Variants in PAXIP1 observed in about 807,000 individuals in gnomAD.
The protein encoded by PAXIP1 is PAX interacting protein 1, also known as PAX-interacting protein 1.
Under a neutral mutation model 140.6 loss-of-function variants are expected in PAXIP1, and 19 were observed. That is an observed-to-expected ratio of 0.14 (90% CI 0.09 to 0.20). PAXIP1 has a LOEUF of 0.20. Ranked by LOEUF, PAXIP1 falls within the 10% of genes least tolerant of loss-of-function variation. The pLI, the probability that PAXIP1 is intolerant of heterozygous loss-of-function variation, is 1.00. For synonymous variants in PAXIP1, 442 were observed against 444.6 expected, an observed-to-expected ratio of 0.99 and a Z score of 0.07; for missense variants, 920 against 1,208.6, an observed-to-expected ratio of 0.76 and a Z score of 3.54.
At position 155,003,024 on chromosome 7, in the gene PAXIP1, C is replaced by A. The variant is rs1458658496; in HGVS notation, c.-95G>T. ...GCGCCCGGCGCCCCCACTCGCCCCG[C>A]CAACGGCCCTGCCCGCGCAGCCCGG... On this transcript the variant is annotated 5_prime_UTR_variant, in exon 1 of 21. Coordinates refer to ENST00000404141, the MANE Select transcript of PAXIP1 (RefSeq NM_007349.4). 5.3e-6 allele frequency: 2 copies of A among 374,892 alleles called. No homozygotes were observed. The highest frequency in any genetic ancestry group is 4.5e-5 in the African/African-American group (2 of 44,716). The allele number at this position is 374,892 out of a possible 1,614,324, so 23.2% of individuals were successfully genotyped here.
At position 154,975,809 on chromosome 7, in the gene PAXIP1, T is replaced by G; in HGVS notation, c.961A>C (p.Ser321Arg). The G allele has an allele frequency of 6.2e-7, 1 of 1,613,934 alleles. No homozygotes were observed. Among genetic ancestry groups the G allele is most frequent in the South Asian group, 1.1e-5 (1 of 91,078 alleles). Residue 321 changes from serine to arginine, a missense_variant, in exon 6 of 21, where the codon AGT becomes CGT. Transcript: ENST00000404141. ...NLMAAGQNLQ[S>R]SERSEMIATW... ...GCTATCATTTCTGATCTTTCAGAAC[T>G]TTGGAGGTTTTGTCCAGCAGCCATT...
In PAXIP1 at chr7:154,948,012, C is replaced by G; in HGVS notation, c.2822-9G>C. On this transcript the variant is annotated splice_polypyrimidine_tract_variant and intron_variant, in intron 16 of 20. Coordinates refer to ENST00000404141, the MANE Select transcript of PAXIP1 (RefSeq NM_007349.4). ...AATGTAGTTCTGCTCATCTGGAAAA[C>G]AGAACAGCACATACTCTGAAAAGTG... 6.4e-7 allele frequency: 1 copy of G among 1,573,384 alleles called. No individual in the cohort carries two copies. The highest frequency in any genetic ancestry group is 8.7e-7 in the Non-Finnish European group (1 of 1,142,998).
At chr7:154,985,713 C>T (rs1810038670) in intron 4 of PAXIP1, among the ~76,000 whole-genome samples, 1 of 152,196 alleles carries the variant, frequency 6.6e-6, no homozygotes, top group Non-Finnish European at 1.5e-5. Context: ...GAACACTCTC[C>T]CTTTTCCTTC....
At position 154,969,154 on chromosome 7, in the gene PAXIP1, T is replaced by A. The variant is rs979001249; in HGVS notation, c.1075-28A>T. 7.6e-6 allele frequency: 11 copies of A among 1,445,256 alleles called. No homozygotes were observed. The African/African-American group carries it at 1.6e-4, about 21-fold the overall frequency. The allele number at this position is 1,445,256 out of a possible 1,614,324, so 89.5% of individuals were successfully genotyped here. ...ACAAAACAAAAGTTAGGTGAAACAT[T>A]ATCAACAGTTCCTGAAACAGATGAA... is the stretch of plus-strand genomic sequence containing the variant. On this transcript the variant is annotated intron_variant, in intron 6 of 20. Coordinates refer to ENST00000404141, the MANE Select transcript of PAXIP1 (RefSeq NM_007349.4).
At chr7:154,971,256 G>A (rs1809307533) in intron 6 of PAXIP1, among the ~76,000 whole-genome samples, 1 of 152,220 alleles carries the variant, frequency 6.6e-6, no homozygotes, top group Admixed American at 6.5e-5. Flanking sequence ...ATCCACTGCT[G>A]ACCCAGCCCA....
rs752870916 is a variant in PAXIP1, at chr7:154,998,656, A to G, written c.210T>C (p.Val70=). The G allele has an allele frequency of 6.8e-6, 11 of 1,613,172 alleles. No individual in the cohort carries two copies. The South Asian group carries it at 1.2e-4, about 18-fold the overall frequency. The change falls in exon 2 of 21, where the codon GTT becomes GTC. Residue 70 remains valine, a synonymous_variant. Transcript: ENST00000404141. The part of the protein sequence containing the change: ...GEAREVFDLP[V]VKPSWVILSV... Reference sequence around the variant, plus strand: ...AATTATGTTTACTACTGACCTTTACAACAGGTAAGTCAAAGACTTCCCGAG... The same window carrying G: ...AATTATGTTTACTACTGACCTTTACGACAGGTAAGTCAAAGACTTCCCGAG...
rs763236159 is a variant in PAXIP1 at position 154,993,711 on chromosome 7, C to CA, written c.260+14dup. 85 of 1,573,994 alleles carry CA rather than the reference C, an allele frequency of 5.4e-5. No homozygotes were observed. Among genetic ancestry groups the CA allele is most frequent in the South Asian group, 8.2e-5 (7 of 85,678 alleles). On this transcript the variant is annotated intron_variant, in intron 3 of 20. Transcript: ENST00000404141. Reference sequence around the variant, plus strand: ...GTTACCCTTTCCCTCCTCCCCCACTCAAAAAAAAGGATACGGCAGAAGAGT... The same window carrying CA: ...GTTACCCTTTCCCTCCTCCCCCACTCAAAAAAAAAGGATACGGCAGAAGAGT...
At position 154,998,756 on chromosome 7, in the gene PAXIP1, G is replaced by C. The variant is rs1389534737; in HGVS notation, c.110C>G (p.Ala37Gly). Residue 37 changes from alanine (A) to glycine (G), a missense_variant, in exon 2 of 21, where the codon GCG becomes GGG. Transcript: ENST00000404141. ...TAGTGCATTGTAGGAAACTTCCTTC[G>C]CTTTTCCAGCCTTGAGAAGCTGAAT... ...QVIQLLKAGK[A>G]KEVSYNALAS... The C allele has an allele frequency of 6.2e-7, 1 of 1,612,442 alleles. No individual in the cohort carries two copies. Among genetic ancestry groups the C allele is most frequent in the Non-Finnish European group, 8.5e-7 (1 of 1,179,196 alleles).
In PAXIP1 at chr7:154,968,603, T is replaced by C. The variant is rs1212867548; in HGVS notation, c.1598A>G (p.Gln533Arg). 2.8e-6 allele frequency: 2 copies of C among 716,526 alleles called. No homozygotes were observed. The highest frequency in any genetic ancestry group is 1.8e-5 in the African/African-American group (1 of 57,072). 44.4% of individuals were successfully genotyped at this position (716,526 alleles called of 1,614,324 possible). ...GTGCATGCGCTGGAGCTGCTGCTGC[T>C]GAATCTGCTGTTGCTGCTGCTGCTG... is the stretch of plus-strand genomic sequence containing the variant. ...LLQQQQQQQIQQQQLQRMHQQ... is the reference protein window; with the variant it reads ...LLQQQQQQQIRQQQLQRMHQQ... The change falls in exon 7 of 21, where the codon CAG becomes CGG. Residue 533 changes from glutamine to arginine, a missense_variant. Transcript: ENST00000404141.
At chr7:154,950,253 A>G (rs919983689) in intron 16 of PAXIP1, 16 of 152,150 alleles carry the variant, frequency 1.1e-4, no homozygotes, top group African/African-American at 3.9e-4. Context: ...CTGGACACAG[A>G]CTTTACCCTC....
At chr7:154,975,054 G>T (rs1449028077) in intron 6 of PAXIP1, among the ~76,000 whole-genome samples, 1 of 151,062 alleles carries the variant, frequency 6.6e-6, no homozygotes, top group Non-Finnish European at 1.5e-5. Context: ...CTACTCGGGA[G>T]GCTGAGGCAG....
rs1465424940 is a variant in PAXIP1, at chr7:154,956,403, T to C, written c.2550-772A>G. 1 of 152,028 alleles carries C rather than the reference T, an allele frequency of 6.6e-6. No homozygotes were observed. Among genetic ancestry groups the C allele is most frequent in the Non-Finnish European group, 1.5e-5 (1 of 68,002 alleles). 9.4% of individuals were successfully genotyped at this position (152,028 alleles called of 1,614,324 possible). A position where few individuals can be genotyped will look rare whatever the true frequency, so the allele number is the denominator to read the frequency against. ...AGAGGAGGAGCAGGGAGAGAAAAGATGAGGAACCTGGTAACTGCAAAAAAC... is the reference window on the plus strand; with the variant it reads ...AGAGGAGGAGCAGGGAGAGAAAAGACGAGGAACCTGGTAACTGCAAAAAAC... On this transcript the variant is annotated intron_variant, in intron 14 of 20. Coordinates refer to ENST00000404141, the MANE Select transcript of PAXIP1 (RefSeq NM_007349.4). This position sits in a 1 kb window ranked among gnomAD's most constrained non-coding sequence, Gnocchi z 4.2.
intron 5 of PAXIP1, among the ~76,000 whole-genome samples, chr7:154,978,836 T>C (rs2150769589): frequency 6.6e-6 from 1 of 151,936 alleles, no homozygotes; most frequent in South Asian, 2.1e-4. Flanking sequence ...TGAAGAGGAG[T>C]CACTGAAAAT....
At position 154,976,323 on chromosome 7, in the gene PAXIP1, G is replaced by A. The variant is rs561144432; in HGVS notation, c.447C>T (p.Tyr149=). The change falls in exon 6 of 21, where the codon TAC becomes TAT. Residue 149 remains tyrosine (Y), a synonymous_variant. Transcript: ENST00000404141. ...LIVPEPKGEK[Y]ECALKRASIK... ...TACTTGCTCGCTTTAAAGCACATTCGTATTTCTCCTACGAGGAAAGCAGAA... is the reference window on the plus strand; with the variant it reads ...TACTTGCTCGCTTTAAAGCACATTCATATTTCTCCTACGAGGAAAGCAGAA... 65 of 1,575,300 alleles carry A rather than the reference G, an allele frequency of 4.1e-5. 2 individuals are homozygous for A. In the South Asian group the frequency reaches 6.7e-4, roughly 16 times the overall value.
At chr7:154,992,130 A>C (rs1203512101) in intron 3 of PAXIP1, among the ~76,000 whole-genome samples, 1 of 152,200 alleles carries the variant, frequency 6.6e-6, no homozygotes, top group Non-Finnish European at 1.5e-5. Flanking sequence ...ACTGTCTACC[A>C]GTGAGTCTCC....
At chr7:154,992,714 T>C (rs1026109071) in intron 3 of PAXIP1, among the ~76,000 whole-genome samples, 1 of 152,102 alleles carries the variant, frequency 6.6e-6, no homozygotes, top group African/African-American at 2.4e-5. Context: ...ATAAAAGTAA[T>C]AAATAACGAC....
chr7:154,944,349 C>G (rs1019327160), intron 20 of PAXIP1, 185 bp from the exon 21 acceptor site: 8 of 522,942 alleles, frequency 1.5e-5, no homozygotes, highest in Non-Finnish European at 2.8e-5. Context: ...AGCCCCGACA[C>G]ACAGGCTCAC....
At chr7:154,947,857 T>C in intron 17 of PAXIP1, 46 bp downstream of exon 17, 1 of 1,320,132 alleles carries the variant, frequency 7.6e-7, no homozygotes, top group South Asian at 1.2e-5. Context: ...AGCAGGTCCG[T>C]GTGTTATGCT....
chr7:154,970,270 T>G (rs1260742252), intron 6 of PAXIP1, among the ~76,000 whole-genome samples: 1 of 152,234 alleles, frequency 6.6e-6, no homozygotes, highest in African/African-American at 2.4e-5. Context: ...TTCTAGGAAT[T>G]TAACACATAT....
Sources: allele counts gnomAD v4.1 joint callset (sites outside exome capture counted in the v4.1 genomes callset), GRCh38; gene constraint gnomAD v4.1.1; non-coding constraint Gnocchi (gnomAD v3.1); transcripts MANE v1.5; gene names NCBI Gene and HGNC (gene_info 2026-07-23, HGNC 2026-07-21).